The following COG2 variants were observed in gnomAD, a reference collection of about 807,000 sequenced individuals.
COG2 encodes conserved oligomeric Golgi complex subunit 2.
COG2 carries 52 observed loss-of-function variants against 90.6 expected under a neutral mutation model. The observed-to-expected ratio is 0.57, with a 90% CI of 0.46 to 0.72. The LOEUF is 0.72. COG2 is among the 30% of genes least tolerant of loss of function. The pLI, the probability that COG2 is intolerant of heterozygous loss-of-function variation, is 0.00. For missense variants in COG2, 829 were observed against 891.2 expected (o/e 0.93, Z 0.89); for synonymous variants, 337 against 320.4 (o/e 1.05, Z -0.55).
intron 9 of COG2, among the ~76,000 whole-genome samples, chr1:230,677,184 T>C (rs973992276): frequency 2.6e-5 from 4 of 152,214 alleles, no homozygotes; most frequent in Non-Finnish European, 5.9e-5. Context: ...TTTCACAGTC[T>C]GTCTTCTAGG....
At chr1:230,651,569 G>T (rs528602959) in intron 1 of COG2, among the ~76,000 whole-genome samples, 39 of 152,228 alleles carry the variant, frequency 2.6e-4, no homozygotes, top group African/African-American at 8.2e-4. Flanking sequence ...TCCTGTATTT[G>T]ATTTGTTAGT....
At chr1:230,642,951 A>G in intron 1 of COG2, 1 of 466,678 alleles carries the variant, frequency 2.1e-6, no homozygotes, top group Non-Finnish European at 3.8e-6. Context: ...AGCCACTGTT[A>G]CCCGTTCCTG....
At chr1:230,680,129 G>A (rs1251245538) in intron 10 of COG2, 4 of 152,170 alleles carry the variant, frequency 2.6e-5, no homozygotes, top group African/African-American at 9.7e-5. Context: ...GGATGCACTG[G>A]AAATAGTTGG....
At chr1:230,656,146 T>C (rs1662042617) in intron 1 of COG2, among the ~76,000 whole-genome samples, 1 of 152,178 alleles carries the variant, frequency 6.6e-6, no homozygotes, top group Admixed American at 6.5e-5. Flanking sequence ...CGTCTTCTGC[T>C]AGCTTTTGAA....
chr1:230,642,743 G>T, intron 1 of COG2, 65 bp downstream of exon 1: 2 of 1,512,900 alleles, frequency 1.3e-6, no homozygotes, highest in Non-Finnish European at 1.8e-6. Context: ...GCCCTCTGTG[G>T]CGGTCTCTTC....
At chr1:230,649,233 G>T (rs1298344357) in intron 1 of COG2, among the ~76,000 whole-genome samples, 1 of 152,112 alleles carries the variant, frequency 6.6e-6, no homozygotes, top group Non-Finnish European at 1.5e-5. Flanking sequence ...CAGTAATTTG[G>T]TAACCAAATA....
chr1:230,684,012 G>A (rs996504662), intron 11 of COG2, among the ~76,000 whole-genome samples: 1 of 151,908 alleles, frequency 6.6e-6, no homozygotes, highest in African/African-American at 2.4e-5. Flanking sequence ...GGCTGGTCTC[G>A]AACTCTGACC....
chr1:230,678,753 A>T, intron 9 of COG2, 160 bp from the exon 10 acceptor site: 1 of 1,527,000 alleles, frequency 6.5e-7, no homozygotes, highest in Non-Finnish European at 8.8e-7. Context: ...GTATCTTTAA[A>T]TGGGGACATT....
rs1662136971 is a variant in COG2, at chr1:230,659,553, ACTT to A, written c.166_168del (p.Leu56del). On this transcript the variant is annotated inframe_deletion, in exon 2 of 18. Transcript: ENST00000366669. ...GAGATGACCTGGAGCTCTACTATAAACTTCTTAAAACAGCCATGGTCGAACTCA... is the reference window on the plus strand; with the variant it reads ...GAGATGACCTGGAGCTCTACTATAAACTTAAAACAGCCATGGTCGAACTCA... The A allele has an allele frequency of 6.2e-7, 1 of 1,613,964 alleles. No individual in the cohort carries two copies. The highest frequency in any genetic ancestry group is 8.5e-7 in the Non-Finnish European group (1 of 1,179,982).
chr1:230,685,312 A>C, intron 12 of COG2, 76 bp downstream of exon 12: 1 of 1,478,094 alleles, frequency 6.8e-7, no homozygotes, highest in Non-Finnish European at 9.3e-7. Flanking sequence ...ACTCCCTAAG[A>C]TTTTTGTAAA....
chr1:230,683,621 T>TGGAAGATGCCCC lies in COG2; in HGVS notation c.1215_1226dup (p.Glu406_Pro409dup). 6.2e-7 allele frequency: 1 copy of TGGAAGATGCCCC among 1,611,720 alleles called. No individual in the cohort carries two copies. The highest frequency in any genetic ancestry group is 8.5e-7 in the Non-Finnish European group (1 of 1,177,972). ...TTAGAAGCAGCACTTACAGATGTCCTGGAAGATGCCCCAGGTAACTCCCTT... is the reference window on the plus strand; with the variant it reads ...TTAGAAGCAGCACTTACAGATGTCCTGGAAGATGCCCCGGAAGATGCCCCAGGTAACTCCCTT... On this transcript the variant is annotated inframe_insertion, in exon 11 of 18. Transcript: ENST00000366669.
At chr1:230,653,713 T>G (rs920753733) in intron 1 of COG2, among the ~76,000 whole-genome samples, 3 of 152,004 alleles carry the variant, frequency 2.0e-5, no homozygotes, top group African/African-American at 7.3e-5. Flanking sequence ...TGGCTCACAG[T>G]TTTGGAGGTT....
At position 230,693,491 on chromosome 1, in the gene COG2, C is replaced by G; in HGVS notation, c.*98C>G. 1 of 714,086 alleles carries G rather than the reference C, an allele frequency of 1.4e-6. No individual in the cohort carries two copies. The highest frequency in any genetic ancestry group is 2.4e-6 in the Non-Finnish European group (1 of 421,760). The allele number at this position is 714,086 out of a possible 1,614,324, so 44.2% of individuals were successfully genotyped here. The stretch of plus-strand genomic sequence containing the variant: ...GTGACTCTGTTCTCTTAGCAACCGT[C>G]TGTAGCAAAGAAGTGCTTCCAGCAT... On this transcript the variant is annotated 3_prime_UTR_variant, in exon 18 of 18. Transcript: ENST00000366669.
At chr1:230,685,757 C>G (rs1423879212) in intron 12 of COG2, among the ~76,000 whole-genome samples, 1 of 152,022 alleles carries the variant, frequency 6.6e-6, no homozygotes, top group East Asian at 1.9e-4. Context: ...TACAAAAACC[C>G]AGAAATTCTT....
At chr1:230,666,361 T>C (rs1448029016) in intron 5 of COG2, among the ~76,000 whole-genome samples, 2 of 152,172 alleles carry the variant, frequency 1.3e-5, no homozygotes, top group African/African-American at 4.8e-5. Flanking sequence ...ACTCTGCTGC[T>C]CTAGTGTCTC....
At chr1:230,683,734 T>TG (rs567624957) in intron 11 of COG2, 99 bp downstream of exon 11, 2 of 520,962 alleles carry the variant, frequency 3.8e-6, no homozygotes, top group African/African-American at 8.2e-5. Context: ...ACTTTTACTG[T>TG]TTTTTTTTTT....
Position 230,690,080 on chromosome 1 carries a change from G to A in COG2, c.1861G>A (p.Gly621Arg), listed in dbSNP as rs142462148. ...ALKPLFQLQSGHKDKLKQAII... is the reference protein window; with the variant it reads ...ALKPLFQLQSRHKDKLKQAII... ...GAAGCCCTTATTCCAGCTTCAGAGCGGACACAAGGATAAGCTCAAACAAGC... is the reference window on the plus strand; with the variant it reads ...GAAGCCCTTATTCCAGCTTCAGAGCAGACACAAGGATAAGCTCAAACAAGC... Residue 621 changes from glycine (G) to arginine (R), a missense_variant, in exon 16 of 18, where the codon GGA becomes AGA. Coordinates refer to ENST00000366669, the MANE Select transcript of COG2 (RefSeq NM_007357.3). 70 of 1,613,008 alleles carry A rather than the reference G, an allele frequency of 4.3e-5. No individual in the cohort carries two copies. In the African/African-American group the frequency reaches 5.6e-4, roughly 13 times the overall value.
intron 5 of COG2, among the ~76,000 whole-genome samples, chr1:230,667,586 G>A (rs1662351362): frequency 6.6e-6 from 1 of 152,140 alleles, no homozygotes; most frequent in Non-Finnish European, 1.5e-5. Context: ...GTTAAGCCAA[G>A]AAACATTTAG....
chr1:230,660,940 T>C (rs1266276505), intron 3 of COG2, 117 bp downstream of exon 3: 4 of 575,604 alleles, frequency 6.9e-6, no homozygotes, highest in Admixed American at 3.7e-5. Flanking sequence ...TTTGAATGTT[T>C]AGTAATTATA....
Sources: gnomAD v4.1 joint callset for allele counts (sites outside exome capture counted in the v4.1 genomes callset) on GRCh38, gnomAD v4.1.1 for gene constraint, MANE v1.5 for transcripts, NCBI Gene and HGNC (gene_info 2026-07-23, HGNC 2026-07-21) for gene names.